The following CMTM8 variants were observed in gnomAD, a reference collection of about 807,000 sequenced individuals.
CMTM8 encodes the protein CKLF-like MARVEL transmembrane domain-containing protein 8.
CMTM8 carries 12 observed loss-of-function variants against 18.6 expected under a neutral mutation model. That is an observed-to-expected ratio of 0.65 (90% confidence interval 0.41 to 1.05). The LOEUF is 1.05. Among genes scored for constraint, CMTM8 ranks in the 50% least tolerant of loss-of-function variants. The pLI, the probability that CMTM8 is intolerant of heterozygous loss-of-function variation, is 0.00. For synonymous variants in CMTM8, 87 were observed against 90.6 expected, an observed-to-expected ratio of 0.96 and a Z score of 0.23; for missense variants, 217 against 227.2, an observed-to-expected ratio of 0.95 and a Z score of 0.29.
chr3:32,336,312 G>A (rs564162711), intron 1 of CMTM8, among the ~76,000 whole-genome samples: 10 of 152,324 alleles, frequency 6.6e-5, no homozygotes, highest in Admixed American at 2.0e-4. Flanking sequence ...CCCTTCAGGG[G>A]ACCTGTGATA....
chr3:32,350,591 G>A (rs1207420351), intron 1 of CMTM8, among the ~76,000 whole-genome samples: 1 of 151,580 alleles, frequency 6.6e-6, no homozygotes, highest in East Asian at 1.9e-4. Context: ...TGTGATCTTG[G>A]CTCACTACAA....
chr3:32,295,482 A>AG (rs1210408595), intron 1 of CMTM8, among the ~76,000 whole-genome samples: 6 of 117,510 alleles, frequency 5.1e-5, no homozygotes, highest in Non-Finnish European at 9.8e-5. Flanking sequence ...AAAAAAACAA[A>AG]ACAAAACAGC....
At chr3:32,317,081 G>C (rs1319001425) in intron 1 of CMTM8, among the ~76,000 whole-genome samples, 1 of 152,154 alleles carries the variant, frequency 6.6e-6, no homozygotes, top group South Asian at 2.1e-4. Context: ...AGGGTGAAGT[G>C]CATCTGAAAT....
intron 1 of CMTM8, among the ~76,000 whole-genome samples, chr3:32,296,123 C>G (rs1164565848): frequency 6.6e-6 from 1 of 152,054 alleles, no homozygotes; most frequent in Non-Finnish European, 1.5e-5. Context: ...GACTTCTTTG[C>G]TTCAGCCTTT....
chr3:32,363,065 A>G (rs1211276200), intron 2 of CMTM8, among the ~76,000 whole-genome samples: 1 of 152,214 alleles, frequency 6.6e-6, no homozygotes, highest in East Asian at 1.9e-4. Flanking sequence ...ACTCTTTAAC[A>G]ATATGGTCTC....
At chr3:32,276,512 T>C (rs555264329) in intron 1 of CMTM8, among the ~76,000 whole-genome samples, 1 of 152,296 alleles carries the variant, frequency 6.6e-6, no homozygotes, top group South Asian at 2.1e-4. Context: ...ATTAGAGTAA[T>C]TGCCTGTGGC....
At chr3:32,349,243 A>G (rs1696657193) in intron 1 of CMTM8, among the ~76,000 whole-genome samples, 1 of 152,100 alleles carries the variant, frequency 6.6e-6, no homozygotes, top group African/African-American at 2.4e-5. Flanking sequence ...TGCTCTGAGC[A>G]TGTGGATGGG....
intron 1 of CMTM8, among the ~76,000 whole-genome samples, chr3:32,299,241 C>T (rs1451154311): frequency 2.6e-5 from 4 of 151,720 alleles, no homozygotes; most frequent in Admixed American, 2.0e-4. Flanking sequence ...ATTTTTCTTC[C>T]TTCTACTCCT....
chr3:32,282,108 A>AT (rs1702617704), intron 1 of CMTM8, among the ~76,000 whole-genome samples: 3 of 152,238 alleles, frequency 2.0e-5, no homozygotes, highest in Admixed American at 2.0e-4. Context: ...CCCACTCACC[A>AT]TCTCTTCTGA....
chr3:32,368,605 C>T (rs866336279), intron 3 of CMTM8, among the ~76,000 whole-genome samples: 2 of 151,856 alleles, frequency 1.3e-5, no homozygotes, highest in Non-Finnish European at 2.9e-5. Context: ...GGACTAGAAT[C>T]CTGCACCACC....
At chr3:32,365,533 T>G (rs1052481961) in intron 2 of CMTM8, among the ~76,000 whole-genome samples, 4 of 152,014 alleles carry the variant, frequency 2.6e-5, no homozygotes, top group African/African-American at 9.7e-5. Context: ...GCAACCTCCC[T>G]CTCCCAGGTT....
chr3:32,319,075 T>TATATATATATATATATATATATATA, intron 1 of CMTM8, among the ~76,000 whole-genome samples: 1 of 25,256 alleles, frequency 4.0e-5, no homozygotes. Flanking sequence ...TATATATATA[T>TATATATATATATATATATATATATA]TTTTTTTTTT....
chr3:32,314,858 CGG>C (rs59739625), intron 1 of CMTM8, among the ~76,000 whole-genome samples: 46,248 of 151,132 alleles, frequency 0.31, 8,108 homozygotes, highest in East Asian at 0.67. Flanking sequence ...GGTTGGGTGG[CGG>C]GGGGGGTCCA....
At chr3:32,265,384 A>G in intron 1 of CMTM8, among the ~76,000 whole-genome samples, 1 of 152,240 alleles carries the variant, frequency 6.6e-6, no homozygotes, top group Non-Finnish European at 1.5e-5. Flanking sequence ...AGGCAGAAAT[A>G]AAGATATTCT....
intron 1 of CMTM8, among the ~76,000 whole-genome samples, chr3:32,307,587 A>G (rs919740396): frequency 3.3e-5 from 5 of 152,288 alleles, no homozygotes; most frequent in African/African-American, 1.2e-4. Flanking sequence ...GCATACTTGC[A>G]TGTGTAGGTA....
intron 1 of CMTM8, among the ~76,000 whole-genome samples, chr3:32,275,761 C>T (rs559401638): frequency 8.7e-5 from 13 of 149,490 alleles, no homozygotes; most frequent in African/African-American, 1.5e-4. Flanking sequence ...GCAATTCTCA[C>T]GCCTCAGCCT....
At chr3:32,333,191 G>A (rs1696313743) in intron 1 of CMTM8, among the ~76,000 whole-genome samples, 1 of 152,192 alleles carries the variant, frequency 6.6e-6, no homozygotes, top group African/African-American at 2.4e-5. Flanking sequence ...TGTATTTATG[G>A]ACACTGAAAT....
chr3:32,243,530 CA>C (rs376396855), intron 1 of CMTM8, among the ~76,000 whole-genome samples: 1,640 of 104,388 alleles, frequency 0.016, 14 homozygotes, highest in African/African-American at 0.038. Flanking sequence ...GACCCTGTCT[CA>C]AAAAAAAAAA....
chr3:32,286,173 G>A (rs1702679573), intron 1 of CMTM8, among the ~76,000 whole-genome samples: 1 of 152,234 alleles, frequency 6.6e-6, no homozygotes, highest in South Asian at 2.1e-4. Flanking sequence ...CTCTGCCACT[G>A]TAGCACAAAC....
Sources: gnomAD v4.1 joint callset for allele counts (sites outside exome capture counted in the v4.1 genomes callset) on GRCh38, gnomAD v4.1.1 for gene constraint, MANE v1.5 for transcripts, NCBI Gene and HGNC (gene_info 2026-07-23, HGNC 2026-07-21) for gene names.